ADAMTS17: variants seen among roughly 807,000 people sequenced by gnomAD.
The protein encoded by ADAMTS17 is ADAM metallopeptidase with thrombospondin type 1 motif 17, also known as A disintegrin and metalloproteinase with thrombospondin motifs 17.
A neutral mutation model predicts 141.5 loss-of-function variants in ADAMTS17; 113 were observed. The observed-to-expected ratio is 0.80, with a 90% confidence interval of 0.69 to 0.93. The LOEUF is 0.93. Ranked by LOEUF, ADAMTS17 falls within the 40% of genes least tolerant of loss-of-function variation. The pLI is 0.00. For missense variants in ADAMTS17, 1,659 were observed against 1,517.9 expected, an observed-to-expected ratio of 1.09 and a Z score of -1.54; for synonymous variants, 768 against 630.6, an observed-to-expected ratio of 1.22 and a Z score of -3.27.
chr15:100,262,668 T>C (rs907790491), intron 4 of ADAMTS17, among the ~76,000 whole-genome samples: 2 of 152,108 alleles, frequency 1.3e-5, no homozygotes, highest in Middle Eastern at 3.4e-3. Flanking sequence ...ATGGCAGCTC[T>C]CTGTACTAAC....
At chr15:100,290,966 C>T (rs2044606348) in intron 3 of ADAMTS17, among the ~76,000 whole-genome samples, 1 of 152,052 alleles carries the variant, frequency 6.6e-6, no homozygotes, top group South Asian at 2.1e-4. Context: ...GACAAAGATG[C>T]CAAAAGCAAT....
chr15:100,004,987 A>G (rs1380925748), intron 18 of ADAMTS17, among the ~76,000 whole-genome samples: 1 of 152,130 alleles, frequency 6.6e-6, no homozygotes, highest in Non-Finnish European at 1.5e-5. Context: ...AACTCCTGGC[A>G]TCAAGTGATC....
At chr15:100,263,412 C>A (rs564913510) in intron 4 of ADAMTS17, among the ~76,000 whole-genome samples, 1 of 152,278 alleles carries the variant, frequency 6.6e-6, no homozygotes, top group South Asian at 2.1e-4. Context: ...CCATTGTAAC[C>A]AAAGTTTGTC....
chr15:100,066,129 T>G (rs934209963), intron 15 of ADAMTS17, among the ~76,000 whole-genome samples: 1 of 152,244 alleles, frequency 6.6e-6, no homozygotes, highest in Admixed American at 6.5e-5. Flanking sequence ...CTATCATTGA[T>G]GGGCATTTGG....
intron 7 of ADAMTS17, among the ~76,000 whole-genome samples, chr15:100,206,751 G>A (rs1183609310): frequency 2.0e-5 from 3 of 152,186 alleles, no homozygotes; most frequent in African/African-American, 7.2e-5. Context: ...AAGGGAATCT[G>A]GGAATGGATC....
intron 10 of ADAMTS17, 104 bp from the exon 11 acceptor site, chr15:100,133,419 C>T (rs772329166): frequency 2.0e-4 from 226 of 1,116,470 alleles, no homozygotes; most frequent in Non-Finnish European, 2.8e-4. Flanking sequence ...ATTTGGGATT[C>T]GAAACGTATG....
intron 14 of ADAMTS17, among the ~76,000 whole-genome samples, chr15:100,102,781 T>C (rs550670356): frequency 4.7e-4 from 72 of 152,302 alleles, no homozygotes; most frequent in Non-Finnish European, 8.7e-4. Flanking sequence ...GTTCATTCCA[T>C]GACCCTGGAA....
chr15:100,019,736 C>T (rs927393803), intron 18 of ADAMTS17, among the ~76,000 whole-genome samples: 22 of 152,298 alleles, frequency 1.4e-4, no homozygotes, highest in Middle Eastern at 3.4e-3. Context: ...GGCCAAGCTA[C>T]GTCTGCTGTG....
chr15:100,095,076 A>C (rs2035679165), intron 15 of ADAMTS17, among the ~76,000 whole-genome samples: 1 of 152,138 alleles, frequency 6.6e-6, no homozygotes, highest in Non-Finnish European at 1.5e-5. Context: ...TACAGTTTGG[A>C]TCGTCTCCAG....
At position 100,064,130 on chromosome 15, in the gene ADAMTS17, T is replaced by C. The variant is rs1340973469; in HGVS notation, c.2138-10076A>G. ...TGATGTCCTTATAAAAAGGGGAAGT[T>C]TGGAAACAGACATGCACATAGGGAG... On this transcript the variant is annotated intron_variant, in intron 15 of 21. Coordinates refer to ENST00000268070, the MANE Select transcript of ADAMTS17 (RefSeq NM_139057.4). 2.6e-5 allele frequency among the ~76,000 whole-genome samples: 4 copies of C among 152,058 alleles called. No homozygotes were observed. In the South Asian group the frequency reaches 6.2e-4, roughly 24 times the overall value.
rs530988360 is a variant in ADAMTS17 at position 100,308,465 on chromosome 15, G to A, written c.616+22424C>T. Among the ~76,000 whole-genome samples, 8 of 152,252 alleles carry A rather than the reference G, an allele frequency of 5.3e-5. No homozygotes were observed. In the South Asian group the frequency reaches 1.2e-3, roughly 24 times the overall value. On this transcript the variant is annotated intron_variant, in intron 3 of 21. Transcript: ENST00000268070. ...TGAGCAAAGTGCCCACGTCATTCAC[G>A]CTGGAAGCAATTATAACAAGATTCT...
At chr15:100,110,839 C>G (rs571118896) in intron 13 of ADAMTS17, among the ~76,000 whole-genome samples, 1 of 152,132 alleles carries the variant, frequency 6.6e-6, no homozygotes, top group Non-Finnish European at 1.5e-5. Flanking sequence ...TGGCCTCGGA[C>G]GACCTTGGCA....
chr15:100,131,953 T>G, intron 12 of ADAMTS17, 54 bp downstream of exon 12: 1 of 1,612,924 alleles, frequency 6.2e-7, no homozygotes, highest in Non-Finnish European at 8.5e-7. Flanking sequence ...CGAGAGCTGC[T>G]GTTGGGAAAC....
chr15:100,040,557 AT>A (rs1178116503), intron 18 of ADAMTS17, among the ~76,000 whole-genome samples: 1 of 152,036 alleles, frequency 6.6e-6, no homozygotes, highest in Non-Finnish European at 1.5e-5. Flanking sequence ...ATCTCTTTTG[AT>A]GGGTTGCAGA....
intron 8 of ADAMTS17, among the ~76,000 whole-genome samples, chr15:100,156,364 A>T (rs982517512): frequency 3.3e-5 from 5 of 151,746 alleles, no homozygotes; most frequent in African/African-American, 1.2e-4. Context: ...CCACCCCCAC[A>T]CCCTTTTGCC....
rs142942432 is a variant in ADAMTS17 at position 100,045,679 on chromosome 15, T to C, written c.2591+3178A>G. On this transcript the variant is annotated intron_variant, in intron 18 of 21. Coordinates refer to ENST00000268070, the MANE Select transcript of ADAMTS17 (RefSeq NM_139057.4). ...GAGTTTTTCCTTCTCAGTTTCCAGCTGCTATGGGTTTCCCTGAATATTCTC... is the reference window on the plus strand; with the variant it reads ...GAGTTTTTCCTTCTCAGTTTCCAGCCGCTATGGGTTTCCCTGAATATTCTC... Among the ~76,000 whole-genome samples the C allele has an allele frequency of 2.1e-3, 325 of 152,304 alleles. 1 individual carries two copies. The highest frequency in any genetic ancestry group is 7.3e-3 in the African/African-American group (303 of 41,556).
At chr15:100,237,609 G>A (rs10451035) in intron 7 of ADAMTS17, among the ~76,000 whole-genome samples, 4,373 of 152,246 alleles carry the variant, frequency 0.029, 206 homozygotes, top group African/African-American at 0.099. Context: ...AGGGAAAGGA[G>A]GAACGCTGAG....
intron 7 of ADAMTS17, among the ~76,000 whole-genome samples, chr15:100,229,190 C>CT (rs2042400922): frequency 6.6e-6 from 1 of 152,112 alleles, no homozygotes; most frequent in Non-Finnish European, 1.5e-5. Context: ...GCCAGCACAG[C>CT]TTTAAGTCCT....
In ADAMTS17 at chr15:100,238,448, T is replaced by C. The variant is rs924592381; in HGVS notation, c.1075+15688A>G. Among the ~76,000 whole-genome samples the C allele has an allele frequency of 3.3e-5, 5 of 152,216 alleles. No homozygotes were observed. In the East Asian group the frequency reaches 9.6e-4, roughly 29 times the overall value. ...GGCTGGAGCCGGGCCTGGCACACAG[T>C]AGGCACTCAATAGAGTTTTACTGAG... On this transcript the variant is annotated intron_variant, in intron 7 of 21. Coordinates refer to ENST00000268070, the MANE Select transcript of ADAMTS17 (RefSeq NM_139057.4).
Sources: gnomAD v4.1 joint callset for allele counts (sites outside exome capture counted in the v4.1 genomes callset) on GRCh38, gnomAD v4.1.1 for gene constraint, MANE v1.5 for transcripts, NCBI Gene and HGNC (gene_info 2026-07-23, HGNC 2026-07-21) for gene names.